The following SLC18B1 variants were observed in gnomAD, a reference collection of about 807,000 sequenced individuals.
SLC18B1 encodes the protein solute carrier family 18 member B1.
In SLC18B1, 62 loss-of-function variants were observed where a neutral mutation model predicts 53.9. That is an observed-to-expected ratio of 1.15 (90% confidence interval 0.94 to 1.42). SLC18B1 has a LOEUF of 1.42. Among genes scored for constraint, SLC18B1 ranks in the 40% most tolerant of loss-of-function variants. SLC18B1 has a pLI of 0.00. For synonymous variants in SLC18B1, 217 were observed against 200.9 expected, an observed-to-expected ratio of 1.08 and a Z score of -0.68; for missense variants, 598 against 547.3, an observed-to-expected ratio of 1.09 and a Z score of -0.93.
intron 5 of SLC18B1, among the ~76,000 whole-genome samples, chr6:132,784,681 G>A (rs1781325300): frequency 1.3e-5 from 2 of 152,120 alleles, no homozygotes; most frequent in Admixed American, 1.3e-4. Context: ...GCAAATTGAG[G>A]CACATACCTT....
intron 2 of SLC18B1, among the ~76,000 whole-genome samples, chr6:132,793,329 A>G (rs544837411): frequency 2.6e-5 from 4 of 152,346 alleles, no homozygotes; most frequent in Non-Finnish European, 2.9e-5. Context: ...GTTGACCACA[A>G]GATTTTAATC....
Position 132,772,998 on chromosome 6 carries a change from A to G in SLC18B1, c.1080T>C (p.Cys360=). ...AAGCAATGGAAGTAACTTACTGTGC[A>G]CAACTGAGAATTTCCGGGAAAGTTG... ...IIPTFPEILS[C]AHENGFEEGL... Residue 360 remains cysteine, a synonymous_variant, in exon 10 of 14, where the codon TGT becomes TGC. Coordinates refer to ENST00000275227, the MANE Select transcript of SLC18B1 (RefSeq NM_052831.3). The G allele has an allele frequency of 6.2e-7, 1 of 1,612,412 alleles. No individual in the cohort carries two copies. Among genetic ancestry groups the G allele is most frequent in the African/African-American group, 1.3e-5 (1 of 75,006 alleles).
chr6:132,773,417 C>T (rs946536648), intron 9 of SLC18B1, among the ~76,000 whole-genome samples: 3 of 152,094 alleles, frequency 2.0e-5, no homozygotes, highest in Non-Finnish European at 1.5e-5. Context: ...AACGTCAGTA[C>T]TAAAACTGTT....
At chr6:132,784,645 A>AGGCAATTT (rs112342233) in intron 5 of SLC18B1, among the ~76,000 whole-genome samples, 7 of 152,226 alleles carry the variant, frequency 4.6e-5, no homozygotes, top group African/African-American at 1.4e-4. Context: ...GAACACCGGT[A>AGGCAATTT]GGCAATTTGG....
At chr6:132,778,852 G>C (rs2114667228) in intron 7 of SLC18B1, among the ~76,000 whole-genome samples, 1 of 152,212 alleles carries the variant, frequency 6.6e-6, no homozygotes, top group East Asian at 1.9e-4. Context: ...ATTATATGAA[G>C]CAGCTTAAAA....
intron 9 of SLC18B1, 95 bp from the exon 10 acceptor site, chr6:132,773,183 A>T: frequency 2.5e-6 from 2 of 788,746 alleles, no homozygotes. Flanking sequence ...AGGATCCCTG[A>T]TAAGTTATTT....
Position 132,771,111 on chromosome 6 carries a change from C to A in SLC18B1, c.1179G>T (p.Thr393=), listed in dbSNP as rs764483286. The change falls in exon 12 of 14, where the codon ACG becomes ACT. Residue 393 remains threonine, a synonymous_variant. Transcript: ENST00000275227. The stretch of plus-strand genomic sequence containing the variant: ...TTTTCTCATACAGAAATCCACCCAG[C>A]GTTGGTCCCATAAAAGCACTAACAA... ...MWSIGAFMGP[T]LGGFLYEKIG... is the part of the protein sequence containing the mutation. The A allele has an allele frequency of 4.3e-6, 7 of 1,613,990 alleles. No homozygotes were observed. The highest frequency in any genetic ancestry group is 5.9e-6 in the Non-Finnish European group (7 of 1,179,980).
intron 6 of SLC18B1, 113 bp from the exon 7 acceptor site, chr6:132,779,517 A>T (rs573556955): frequency 1.3e-4 from 161 of 1,204,018 alleles, no homozygotes; most frequent in South Asian, 1.1e-3. Context: ...AAAATGACTC[A>T]ATCTCTGAGT....
intron 2 of SLC18B1, among the ~76,000 whole-genome samples, chr6:132,793,028 G>A (rs948981690): frequency 3.3e-5 from 5 of 152,196 alleles, no homozygotes; most frequent in Admixed American, 6.5e-5. Context: ...GACTGAGGCG[G>A]GAGAATTGTT....
intron 2 of SLC18B1, among the ~76,000 whole-genome samples, chr6:132,796,532 GAAAAAA>G (rs56286125): frequency 1.0e-4 from 8 of 77,880 alleles, no homozygotes; most frequent in Middle Eastern, 8.6e-3. Flanking sequence ...GTCTCGAAAG[GAAAAAA>G]AAAAAAAAAA....
In SLC18B1 at chr6:132,774,248, C is replaced by T. The variant is rs761546152; in HGVS notation, c.963G>A (p.Gly321=). 6.2e-7 allele frequency: 1 copy of T among 1,612,694 alleles called. No individual in the cohort carries two copies. Among genetic ancestry groups the T allele is most frequent in the Non-Finnish European group, 8.5e-7 (1 of 1,179,210 alleles). The change falls in exon 9 of 14, where the codon GGG becomes GGA. Residue 321 remains glycine (G), a synonymous_variant. Coordinates refer to ENST00000275227, the MANE Select transcript of SLC18B1 (RefSeq NM_052831.3). ...LITAGCYMLL[G]PVPILHIKSQ... The stretch of plus-strand genomic sequence containing the variant: ...TTTTAATATGCAAGATTGGGACAGG[C>T]CCTAAGAGCATGTAGCACCCGGCTG...
Position 132,796,968 on chromosome 6 carries a change from T to TA in SLC18B1, c.183+13dup, listed in dbSNP as rs759583540. 6.2e-7 allele frequency: 1 copy of TA among 1,606,614 alleles called. No individual in the cohort carries two copies. On this transcript the variant is annotated intron_variant, in intron 2 of 13. Transcript: ENST00000275227. ...CAAAAAAACAGAGGTCCTAAGGATT[T>TA]AAAAATGTCTTACCTCTTTGGGGAA...
intron 5 of SLC18B1, among the ~76,000 whole-genome samples, chr6:132,786,945 T>G (rs1781394338): frequency 6.6e-6 from 1 of 152,130 alleles, no homozygotes; most frequent in Admixed American, 6.5e-5. Context: ...GCAAAAGCAC[T>G]CCTCAGACAG....
In SLC18B1 at chr6:132,769,862, C is replaced by T. The variant is rs149290650; in HGVS notation, c.*408G>A. On this transcript the variant is annotated 3_prime_UTR_variant, in exon 14 of 14. Coordinates refer to ENST00000275227, the MANE Select transcript of SLC18B1 (RefSeq NM_052831.3). ...GCACCTTTATGTATTTAGAGCATATCAAATTAATTCATTTCTTTCCCTGTT... is the reference window on the plus strand; with the variant it reads ...GCACCTTTATGTATTTAGAGCATATTAAATTAATTCATTTCTTTCCCTGTT... 0.012 allele frequency: 1,934 copies of T among 155,536 alleles called. 22 individuals carry two copies. The highest frequency in any genetic ancestry group is 0.018 in the Non-Finnish European group (1,296 of 70,328). 9.6% of individuals were successfully genotyped at this position (155,536 alleles called of 1,614,324 possible). A position where few individuals can be genotyped will look rare whatever the true frequency, so the allele number is the denominator to read the frequency against.
Position 132,779,161 on chromosome 6 carries a change from C to T in SLC18B1, c.795+107G>A, listed in dbSNP as rs551294019. The T allele has an allele frequency of 5.1e-6, 7 of 1,362,572 alleles. No individual in the cohort carries two copies. The South Asian group carries it at 1.0e-4, about 20-fold the overall frequency. The allele number at this position is 1,362,572 out of a possible 1,614,324, so 84.4% of individuals were successfully genotyped here. A position where few individuals can be genotyped will look rare whatever the true frequency, so the allele number is the denominator to read the frequency against. On this transcript the variant is annotated intron_variant, in intron 7 of 13. Transcript: ENST00000275227. ...CCTCGGTGTGTAGTGCCCATTCTAC[C>T]TTCTTCTCCCAGCCACGCAAGGGTC...
rs142841926 is a variant in SLC18B1 at position 132,773,050 on chromosome 6, C to T, written c.1028G>A (p.Gly343Asp). ...AATTATACTCATTCCAGCAGAGAGG[C>T]CACTTACAACTAATATCAGCACCAG... ...WLLVLILVVS[G>D]LSAGMSIIPT... Residue 343 changes from glycine (G) to aspartate (D), a missense_variant, in exon 10 of 14, where the codon GGC (glycine) becomes GAC (aspartate). Gly to Asp is a moderately conservative substitution (Grantham distance 94, BLOSUM62 -1). Transcript: ENST00000275227. 4 of 1,613,772 alleles carry T rather than the reference C, an allele frequency of 2.5e-6. No homozygotes were observed. In the African/African-American group the frequency reaches 4.0e-5, roughly 16 times the overall value.
intron 2 of SLC18B1, among the ~76,000 whole-genome samples, chr6:132,792,915 T>G (rs943207443): frequency 6.6e-6 from 1 of 152,150 alleles, no homozygotes. Flanking sequence ...GGTCAGGAGT[T>G]CGAGACCAGC....
chr6:132,779,151 C>T (rs149384473), intron 7 of SLC18B1, 117 bp downstream of exon 7: 55 of 1,187,874 alleles, frequency 4.6e-5, no homozygotes, highest in Admixed American at 1.5e-4. Context: ...GTGTGTAGTG[C>T]CCATTCTACC....
chr6:132,787,346 A>G, intron 5 of SLC18B1, 88 bp downstream of exon 5: 2 of 1,305,792 alleles, frequency 1.5e-6, no homozygotes, highest in South Asian at 3.5e-5. Flanking sequence ...ATGCAAGTAT[A>G]GAAGAATGGA....
Sources: gnomAD v4.1 joint callset for allele counts (sites outside exome capture counted in the v4.1 genomes callset) on GRCh38, gnomAD v4.1.1 for gene constraint, MANE v1.5 for transcripts, NCBI Gene and HGNC (gene_info 2026-07-23, HGNC 2026-07-21) for gene names.